RGP1: variants seen among roughly 807,000 people sequenced by gnomAD.
RGP1 encodes the protein RGP1 partner of RAB6A GEF complex.
A neutral mutation model predicts 44.5 loss-of-function variants in RGP1; 28 were observed. That is an observed-to-expected ratio of 0.63 (90% CI 0.47 to 0.86). The LOEUF (loss-of-function observed/expected upper bound fraction) is 0.86, where lower values mean the gene tolerates loss of function less well. RGP1 is among the 40% of genes least tolerant of loss of function. The pLI is 0.00. For synonymous variants in RGP1, 212 were observed against 196.7 expected, an observed-to-expected ratio of 1.08 and a Z score of -0.65; for missense variants, 417 against 490.7, an observed-to-expected ratio of 0.85 and a Z score of 1.42.
the RGP1 span, chr9:35,790,108 C>T: frequency 6.8e-6 from 1 of 147,268 alleles, no homozygotes; most frequent in Non-Finnish European, 1.5e-5. Flanking sequence ...CTCATGTTGT[C>T]TCGTCATTCT....
At chr9:35,759,917 CTTT>C (rs34848500), downstream of RGP1, among the ~76,000 whole-genome samples, 1 of 132,980 alleles carries the variant, frequency 7.5e-6, no homozygotes. Flanking sequence ...TTCATTTTTC[CTTT>C]TTTTTTTTTT....
At position 35,750,942 on chromosome 9, in the gene RGP1, C is replaced by T; in HGVS notation, c.440C>T (p.Ser147Phe). 6.2e-7 allele frequency: 1 copy of T among 1,614,006 alleles called. No individual in the cohort carries two copies. The highest frequency in any genetic ancestry group is 8.5e-7 in the Non-Finnish European group (1 of 1,179,898). ...KLTIGCQRVN[S>F]PITLLRVPLR... ...ACCATTGGCTGCCAGCGTGTCAACT[C>T]CCCTATCACTTTACTCAGAGTCCCT... Residue 147 changes from serine (S) to phenylalanine (F), a missense_variant, in exon 5 of 9, where the codon TCC (serine) becomes TTC (phenylalanine). Physicochemically the swap from Ser to Phe is radical, Grantham distance 155. Transcript: ENST00000378078.
At chr9:35,778,005 G>C in the RGP1 span, among the ~76,000 whole-genome samples, 1 of 152,080 alleles carries the variant, frequency 6.6e-6, no homozygotes, top group Non-Finnish European at 1.5e-5. Flanking sequence ...CAAAATTAAA[G>C]CTATACAAAA....
chr9:35,749,311 ACGCCGCCGC>A lies in RGP1; in HGVS notation c.-101_-93del, dbSNP rs567841671. 1.7e-4 allele frequency: 86 copies of A among 521,134 alleles called. No homozygotes were observed. Among genetic ancestry groups the A allele is most frequent in the Middle Eastern group, 6.8e-4 (2 of 2,960 alleles). The allele number at this position is 521,134 out of a possible 1,614,324, so 32.3% of individuals were successfully genotyped here. ...AAGTCCCGCCTCTACCGCCCAGCGG[ACGCCGCCGC>A]CGCCGCCGCCGCCGCGTACCTAGCC... is the stretch of plus-strand genomic sequence containing the variant. On this transcript the variant is annotated 5_prime_UTR_variant, in exon 1 of 9. Transcript: ENST00000378078. This position sits in a 1 kb window ranked among gnomAD's most constrained non-coding sequence, Gnocchi z 4.4.
chr9:35,774,114 T>C, the RGP1 span, among the ~76,000 whole-genome samples: 1 of 152,224 alleles, frequency 6.6e-6, no homozygotes, highest in Non-Finnish European at 1.5e-5. Context: ...AAAATTATTA[T>C]AAGTTGGTTG....
rs1217423882 is a variant in RGP1, at chr9:35,753,554, A to ATTGCTC, written c.*683_*688dup. 8 of 1,002,282 alleles carry ATTGCTC rather than the reference A, an allele frequency of 8.0e-6. No homozygotes were observed. Among genetic ancestry groups the ATTGCTC allele is most frequent in the Admixed American group, 6.5e-5 (3 of 46,144 alleles). The allele number at this position is 1,002,282 out of a possible 1,614,324, so 62.1% of individuals were successfully genotyped here. A position where few individuals can be genotyped will look rare whatever the true frequency, so the allele number is the denominator to read the frequency against. ...TCCCTTCAGGTTTGGCCCATCTTGT[A>ATTGCTC]TTGCTCTTCTGTTCATTCTTACATC... On this transcript the variant is annotated 3_prime_UTR_variant, in exon 9 of 9. Coordinates refer to ENST00000378078, the MANE Select transcript of RGP1 (RefSeq NM_001080496.3). This position sits in a 1 kb window ranked among gnomAD's most constrained non-coding sequence, Gnocchi z 4.2.
At chr9:35,774,290 G>A in the RGP1 span, among the ~76,000 whole-genome samples, 4 of 152,336 alleles carry the variant, frequency 2.6e-5, no homozygotes, top group Non-Finnish European at 5.9e-5. Flanking sequence ...GAGACTGACT[G>A]TGCTCAGCTC....
At chr9:35,777,398 G>C in the RGP1 span, among the ~76,000 whole-genome samples, 2 of 150,660 alleles carry the variant, frequency 1.3e-5, no homozygotes, top group South Asian at 4.2e-4. Context: ...CAAAGTGCTG[G>C]GATTACAGGC....
At chr9:35,762,085 G>T (rs1827423418), downstream of RGP1, among the ~76,000 whole-genome samples, 3 of 152,156 alleles carry the variant, frequency 2.0e-5, no homozygotes, top group Admixed American at 1.3e-4. Flanking sequence ...AGAGGTTGCA[G>T]TGAGCCGAGA....
At position 35,757,942 on chromosome 9, in the gene RGP1, C is replaced by T. The variant is rs1490032873; in HGVS notation, c.*5068C>T. ...TAAAAAAATAAAAATAGAAAAGTTG[C>T]ACAATCTAATTCAATATTTGACTTA... On this transcript the variant is annotated 3_prime_UTR_variant, in exon 9 of 9. Coordinates refer to ENST00000378078, the MANE Select transcript of RGP1 (RefSeq NM_001080496.3). The T allele has an allele frequency of 6.6e-6, 1 of 152,182 alleles. No homozygotes were observed. Among genetic ancestry groups the T allele is most frequent in the South Asian group, 2.1e-4 (1 of 4,830 alleles). 9.4% of individuals were successfully genotyped at this position (152,182 alleles called of 1,614,324 possible). A position where few individuals can be genotyped will look rare whatever the true frequency, so the allele number is the denominator to read the frequency against.
At chr9:35,771,760 A>T in the RGP1 span, among the ~76,000 whole-genome samples, 2 of 152,190 alleles carry the variant, frequency 1.3e-5, no homozygotes, top group Non-Finnish European at 2.9e-5. Context: ...TGTGATTGAT[A>T]AAAATGTGTA....
the RGP1 span, among the ~76,000 whole-genome samples, chr9:35,786,426 G>A: frequency 6.6e-6 from 1 of 152,198 alleles, no homozygotes; most frequent in Non-Finnish European, 1.5e-5. Flanking sequence ...ATGAAGGGTG[G>A]TAATAGGAAA....
chr9:35,759,567 C>CAAAAAAAAA (rs57938702), downstream of RGP1, among the ~76,000 whole-genome samples: 3 of 38,282 alleles, frequency 7.8e-5, no homozygotes, highest in African/African-American at 1.0e-4. Flanking sequence ...ACCCTGTCTC[C>CAAAAAAAAA]AAAAAAAAAA....
intron 6 of RGP1, 58 bp downstream of exon 6, chr9:35,751,470 C>T (rs868828780): frequency 6.2e-7 from 1 of 1,608,178 alleles, no homozygotes; most frequent in South Asian, 1.1e-5. Flanking sequence ...TTTCCCATCT[C>T]AGAGACAGTC....
Position 35,752,853 on chromosome 9 carries a change from C to T in RGP1, c.1155C>T (p.Ser385=). Residue 385 remains serine (S), a synonymous_variant, in exon 9 of 9, where the codon AGC becomes AGT. Transcript: ENST00000378078. ...TLASYAAPGP[S]TSTITI ...CCTCATATGCTGCCCCAGGCCCCAG[C>T]ACCAGCACCATAACCATCTGAAACT... is the stretch of plus-strand genomic sequence containing the variant. The T allele has an allele frequency of 1.2e-6, 2 of 1,613,830 alleles. No homozygotes were observed. The highest frequency in any genetic ancestry group is 1.7e-6 in the Non-Finnish European group (2 of 1,179,834).
the RGP1 span, among the ~76,000 whole-genome samples, chr9:35,768,425 C>G: frequency 6.6e-6 from 1 of 152,142 alleles, no homozygotes; most frequent in Non-Finnish European, 1.5e-5. Context: ...CCCTGGAGGT[C>G]AAGATGTGGG....
the RGP1 span, among the ~76,000 whole-genome samples, chr9:35,769,169 T>C: frequency 2.6e-5 from 4 of 152,368 alleles, no homozygotes; most frequent in Non-Finnish European, 5.9e-5. Context: ...TGTACCTGCC[T>C]CAGCACCACC....
the RGP1 span, among the ~76,000 whole-genome samples, chr9:35,774,619 G>T: frequency 6.6e-6 from 1 of 152,164 alleles, no homozygotes; most frequent in Admixed American, 6.5e-5. Flanking sequence ...AGCTACTGGG[G>T]AGGCTGAGGC....
Position 35,752,932 on chromosome 9 carries a change from C to G in RGP1, c.*58C>G. The stretch of plus-strand genomic sequence containing the variant: ...ATACTGAGAACTCAGCACCTGGACT[C>G]TAATGGGACCCACTTTTTCCACCTG... On this transcript the variant is annotated 3_prime_UTR_variant, in exon 9 of 9. Coordinates refer to ENST00000378078, the MANE Select transcript of RGP1 (RefSeq NM_001080496.3). 1 of 1,569,408 alleles carries G rather than the reference C, an allele frequency of 6.4e-7. No individual in the cohort carries two copies. Among genetic ancestry groups the G allele is most frequent in the African/African-American group, 1.4e-5 (1 of 73,784 alleles).
Sources: allele counts gnomAD v4.1 joint callset (sites outside exome capture counted in the v4.1 genomes callset), GRCh38; gene constraint gnomAD v4.1.1; non-coding constraint Gnocchi (gnomAD v3.1); transcripts MANE v1.5; gene names NCBI Gene and HGNC (gene_info 2026-07-23, HGNC 2026-07-21).